Variants in DNAH6 observed in about 807,000 individuals in gnomAD.
DNAH6 encodes the protein axonemal beta dynein heavy chain 6.
Under a neutral mutation model 491.4 loss-of-function variants are expected in DNAH6, and 340 were observed. That is an observed-to-expected ratio of 0.69 (90% CI 0.63 to 0.76). DNAH6 has a LOEUF of 0.76. Ranked by LOEUF, DNAH6 falls within the 30% of genes least tolerant of loss-of-function variation. The pLI is 0.00. For synonymous variants in DNAH6, 1,603 were observed against 1,686.1 expected (o/e 0.95, Z 1.21); for missense variants, 4,443 against 4,972.2 (o/e 0.89, Z 3.20).
At chr2:84,514,886 C>CAA (rs1299112574), upstream of DNAH6, among the ~76,000 whole-genome samples, 3 of 151,990 alleles carry the variant, frequency 2.0e-5, no homozygotes, top group South Asian at 6.3e-4. Context: ...CACACACACA[C>CAA]ACACACACAC....
intron 11 of DNAH6, among the ~76,000 whole-genome samples, chr2:84,567,300 C>T (rs4599135): frequency 0.9 from 136,499 of 152,104 alleles, 61,571 homozygotes; most frequent in East Asian, 0.99. Context: ...TAGAAAAAAA[C>T]TGCTTTAAAA....
intron 16 of DNAH6, 119 bp from the exon 17 acceptor site, chr2:84,593,853 C>A: frequency 2.3e-6 from 1 of 441,582 alleles, no homozygotes; most frequent in Non-Finnish European, 3.9e-6. Flanking sequence ...TTTCTTAATC[C>A]ATTTAGGATG....
At chr2:84,468,874 G>A in the DNAH6 span, among the ~76,000 whole-genome samples, 8 of 152,060 alleles carry the variant, frequency 5.3e-5, no homozygotes, top group Non-Finnish European at 8.8e-5. Flanking sequence ...AGAAAGTACC[G>A]CCACATGATC....
intron 4 of DNAH6, among the ~76,000 whole-genome samples, chr2:84,535,886 G>A (rs1357185895): frequency 6.6e-6 from 1 of 151,896 alleles, no homozygotes; most frequent in Admixed American, 6.6e-5. Flanking sequence ...TTAGGAAGAA[G>A]AAAAAAGAAC....
chr2:84,759,809 C>A (rs978073898), intron 63 of DNAH6, among the ~76,000 whole-genome samples: 12 of 151,988 alleles, frequency 7.9e-5, no homozygotes, highest in Admixed American at 5.2e-4. Flanking sequence ...ATAGCCAATG[C>A]AATCCTAAGA....
At position 84,726,565 on chromosome 2, in the gene DNAH6, A is replaced by C. The variant is rs1219156061; in HGVS notation, c.9973-1104A>C. On this transcript the variant is annotated intron_variant, in intron 60 of 76. Coordinates refer to ENST00000389394, the MANE Select transcript of DNAH6 (RefSeq NM_001370.2). ...AACCAAACACTGCATGTTCTCACTC[A>C]TAGGTGGGAATTGAACAATGAGAAC... is the stretch of plus-strand genomic sequence containing the variant. Among the ~76,000 whole-genome samples the C allele has an allele frequency of 3.9e-5, 6 of 152,268 alleles. No homozygotes were observed. In the East Asian group the frequency reaches 9.6e-4, roughly 24 times the overall value.
chr2:84,543,190 A>G (rs1573557307), intron 4 of DNAH6, among the ~76,000 whole-genome samples: 1 of 152,278 alleles, frequency 6.6e-6, no homozygotes, highest in South Asian at 2.1e-4. Flanking sequence ...AGTAATAGTA[A>G]TAATAAATAA....
chr2:84,503,795 T>C, the DNAH6 span, among the ~76,000 whole-genome samples: 1 of 152,068 alleles, frequency 6.6e-6, no homozygotes, highest in African/African-American at 2.4e-5. Flanking sequence ...TTGTATGTTA[T>C]TTGTTTCTTT....
chr2:84,811,011 A>G (rs2105334142), intron 72 of DNAH6, among the ~76,000 whole-genome samples: 1 of 152,130 alleles, frequency 6.6e-6, no homozygotes, highest in East Asian at 1.9e-4. Flanking sequence ...TCCTATTTCC[A>G]GGTCTATCAT....
intron 63 of DNAH6, among the ~76,000 whole-genome samples, chr2:84,759,420 A>T (rs967713745): frequency 4.6e-5 from 7 of 152,122 alleles, no homozygotes; most frequent in African/African-American, 1.7e-4. Flanking sequence ...GAAGCTGGAG[A>T]ACTGCTTGAA....
At chr2:84,723,267 C>A (rs1412062593) in intron 60 of DNAH6, among the ~76,000 whole-genome samples, 2 of 151,910 alleles carry the variant, frequency 1.3e-5, no homozygotes, top group Non-Finnish European at 2.9e-5. Context: ...TTCACCAGCC[C>A]TTCCAAAGAT....
At chr2:84,498,304 A>T in the DNAH6 span, among the ~76,000 whole-genome samples, 8 of 152,288 alleles carry the variant, frequency 5.3e-5, 1 homozygote, top group Middle Eastern at 0.014. Flanking sequence ...GCATGTCTAG[A>T]CATCACCCTG....
At chr2:84,758,798 A>T (rs1000288784) in intron 63 of DNAH6, among the ~76,000 whole-genome samples, 23 of 152,180 alleles carry the variant, frequency 1.5e-4, no homozygotes, top group African/African-American at 2.2e-4. Flanking sequence ...ATCTCAAAAT[A>T]ACAAAGCCCA....
intron 11 of DNAH6, among the ~76,000 whole-genome samples, chr2:84,564,486 G>A (rs993726058): frequency 1.4e-4 from 22 of 152,122 alleles, no homozygotes; most frequent in African/African-American, 5.1e-4. Context: ...TTGAATCTCA[G>A]CTTGACCATT....
At chr2:84,677,613 T>G (rs1023450303) in intron 41 of DNAH6, among the ~76,000 whole-genome samples, 1 of 152,160 alleles carries the variant, frequency 6.6e-6, no homozygotes, top group African/African-American at 2.4e-5. Flanking sequence ...TGATAACCTA[T>G]CTTTTGTCCA....
chr2:84,738,007 C>T (rs1672169774), intron 62 of DNAH6, among the ~76,000 whole-genome samples: 1 of 152,054 alleles, frequency 6.6e-6, no homozygotes, highest in Non-Finnish European at 1.5e-5. Flanking sequence ...TCTCCTTTAA[C>T]ACTGCTTTGC....
chr2:84,711,025 C>T (rs1016350030), intron 56 of DNAH6, among the ~76,000 whole-genome samples: 1 of 151,976 alleles, frequency 6.6e-6, no homozygotes, highest in Non-Finnish European at 1.5e-5. Flanking sequence ...TTTCTGTTCT[C>T]AATAGCTTAC....
At chr2:84,745,866 T>C (rs1392038585) in intron 63 of DNAH6, among the ~76,000 whole-genome samples, 1 of 152,006 alleles carries the variant, frequency 6.6e-6, no homozygotes, top group East Asian at 1.9e-4. Context: ...TTTCAGATCT[T>C]GACAACAATG....
At chr2:84,575,269 G>T (rs1257807515) in intron 12 of DNAH6, among the ~76,000 whole-genome samples, 1 of 152,092 alleles carries the variant, frequency 6.6e-6, no homozygotes, top group East Asian at 1.9e-4. Context: ...TAGCCAGACT[G>T]CTCCCTGTCC....
Sources: gnomAD v4.1 joint callset for allele counts (sites outside exome capture counted in the v4.1 genomes callset) on GRCh38, gnomAD v4.1.1 for gene constraint, MANE v1.5 for transcripts, NCBI Gene and HGNC (gene_info 2026-07-23, HGNC 2026-07-21) for gene names.